Variants in BZW2 observed in about 807,000 individuals in gnomAD.
BZW2 encodes the protein eIF5-mimic protein 1.
BZW2 carries 23 observed loss-of-function variants against 53.2 expected under a neutral mutation model. The observed-to-expected ratio is 0.43, with a 90% CI of 0.31 to 0.61. The LOEUF is 0.61. BZW2 is among the 20% of genes least tolerant of loss of function. The probability of loss-of-function intolerance (pLI) is 0.09; values close to 1 mark genes in which losing one functional copy is unlikely to be tolerated. For missense variants in BZW2, 409 were observed against 503.1 expected (o/e 0.81, Z 1.79); for synonymous variants, 227 against 186.4 (o/e 1.22, Z -1.77).
chr7:16,679,355 C>A (rs370668092), intron 3 of BZW2, among the ~76,000 whole-genome samples: 2 of 152,182 alleles, frequency 1.3e-5, no homozygotes, highest in Admixed American at 1.3e-4. Context: ...TGGCTTCAGC[C>A]GGTCCCTCCG....
intron 2 of BZW2, 69 bp from the exon 3 acceptor site, chr7:16,674,343 A>T: frequency 8.3e-7 from 1 of 1,211,244 alleles, no homozygotes; most frequent in East Asian, 2.6e-5. Context: ...ATAGAATTAA[A>T]GTTTTGATTG....
intron 2 of BZW2, among the ~76,000 whole-genome samples, chr7:16,669,843 T>C (rs1462514222): frequency 6.6e-6 from 1 of 152,226 alleles, no homozygotes; most frequent in Non-Finnish European, 1.5e-5. Context: ...ACCCTAATTA[T>C]ATCCTTCTCA....
At chr7:16,673,789 A>T (rs1471483292) in intron 2 of BZW2, among the ~76,000 whole-genome samples, 1 of 152,196 alleles carries the variant, frequency 6.6e-6, no homozygotes. Flanking sequence ...TTAAGTGTCA[A>T]GAGGTCATGA....
chr7:16,648,230 G>C (rs925763716), intron 1 of BZW2, among the ~76,000 whole-genome samples: 1 of 152,158 alleles, frequency 6.6e-6, no homozygotes, highest in African/African-American at 2.4e-5. Context: ...CATCAAAGAA[G>C]TTTTATTGAT....
At chr7:16,679,897 CT>C (rs1707579249) in intron 3 of BZW2, among the ~76,000 whole-genome samples, 2 of 152,232 alleles carry the variant, frequency 1.3e-5, no homozygotes, top group South Asian at 4.1e-4. Context: ...TCATTCTGCT[CT>C]TCTAATCAAC....
At chr7:16,667,290 A>C (rs185477174) in intron 2 of BZW2, among the ~76,000 whole-genome samples, 7 of 151,968 alleles carry the variant, frequency 4.6e-5, no homozygotes, top group Non-Finnish European at 5.9e-5. Context: ...AAAAAAAAAA[A>C]AACAAAAAAA....
rs552252085 is a variant in BZW2, at chr7:16,706,277, G to A, written c.*189G>A. ...TTTTAAATGGAGCCCTGAGGCATCAGCTATTATACTTGGGACTCTACCTCT... is the reference window on the plus strand; with the variant it reads ...TTTTAAATGGAGCCCTGAGGCATCAACTATTATACTTGGGACTCTACCTCT... On this transcript the variant is annotated 3_prime_UTR_variant, in exon 12 of 12. Coordinates refer to ENST00000258761, the MANE Select transcript of BZW2 (RefSeq NM_014038.3). The A allele has an allele frequency of 9.9e-5, 60 of 604,228 alleles. No individual in the cohort carries two copies. Among genetic ancestry groups the A allele is most frequent in the Non-Finnish European group, 1.7e-4 (59 of 350,030 alleles). The allele number at this position is 604,228 out of a possible 1,614,324, so 37.4% of individuals were successfully genotyped here.
chr7:16,697,644 G>A (rs527259901), intron 9 of BZW2, among the ~76,000 whole-genome samples: 144 of 152,276 alleles, frequency 9.5e-4, no homozygotes, highest in South Asian at 4.6e-3. Flanking sequence ...CTAAATGAAT[G>A]CTTTTTATCC....
intron 1 of BZW2, among the ~76,000 whole-genome samples, chr7:16,660,207 T>C (rs1174221676): frequency 6.6e-6 from 1 of 151,936 alleles, no homozygotes; most frequent in East Asian, 1.9e-4. Flanking sequence ...GACTCCAAAG[T>C]CTTTTTTCCA....
intron 6 of BZW2, 140 bp downstream of exon 6, chr7:16,686,180 A>G: frequency 7.6e-7 from 1 of 1,308,018 alleles, no homozygotes; most frequent in Non-Finnish European, 1.0e-6. Context: ...GTATGGGTGT[A>G]TATTGCCTTT....
chr7:16,690,716 G>A (rs191322800), intron 7 of BZW2, among the ~76,000 whole-genome samples: 1 of 152,184 alleles, frequency 6.6e-6, no homozygotes, highest in African/African-American at 2.4e-5. Flanking sequence ...CAAGTTAATT[G>A]TGTCACAATT....
chr7:16,698,341 T>C lies in BZW2; in HGVS notation c.1108+155T>C, dbSNP rs538394707. The C allele has an allele frequency of 6.5e-4, 668 of 1,024,596 alleles. 1 individual carries two copies. Among genetic ancestry groups the C allele is most frequent in the Non-Finnish European group, 8.0e-4 (556 of 690,946 alleles). The allele number at this position is 1,024,596 out of a possible 1,614,324, so 63.5% of individuals were successfully genotyped here. On this transcript the variant is annotated intron_variant, in intron 10 of 11. Transcript: ENST00000258761. ...AAGTTTTATTGAGGCAACCATACCA[T>C]GTAGAGAGAGGAGGCATACACGCCA...
chr7:16,692,925 C>T (rs1783359385), intron 7 of BZW2, among the ~76,000 whole-genome samples: 1 of 152,098 alleles, frequency 6.6e-6, no homozygotes, highest in African/African-American at 2.4e-5. Context: ...ATAGAGCATT[C>T]CAGGCAAAGG....
intron 1 of BZW2, among the ~76,000 whole-genome samples, chr7:16,655,484 A>G (rs1469601495): frequency 6.6e-6 from 1 of 152,190 alleles, no homozygotes; most frequent in East Asian, 1.9e-4. Flanking sequence ...GGTGATTAGC[A>G]TATTCATTAC....
intron 1 of BZW2, among the ~76,000 whole-genome samples, chr7:16,652,687 G>A (rs989138256): frequency 2.6e-5 from 4 of 152,002 alleles, no homozygotes; most frequent in African/African-American, 9.7e-5. Flanking sequence ...ACCATGCCTG[G>A]CTAATTTTTG....
intron 2 of BZW2, among the ~76,000 whole-genome samples, chr7:16,672,855 T>C (rs1782647511): frequency 6.6e-6 from 1 of 152,144 alleles, no homozygotes; most frequent in South Asian, 2.1e-4. Context: ...CACACCAAAC[T>C]ACTTCTGCAG....
chr7:16,688,634 G>A (rs1343752328), intron 6 of BZW2: 7 of 152,176 alleles, frequency 4.6e-5, no homozygotes, highest in African/African-American at 7.2e-5. Context: ...ATTATCATTA[G>A]CTCATAACAA....
At chr7:16,659,257 T>G (rs1410147755) in intron 1 of BZW2, among the ~76,000 whole-genome samples, 1 of 152,228 alleles carries the variant, frequency 6.6e-6, no homozygotes, top group Non-Finnish European at 1.5e-5. Flanking sequence ...TTAATTTTTT[T>G]TCAATTATTA....
chr7:16,667,211 A>T (rs527871882), intron 2 of BZW2, among the ~76,000 whole-genome samples: 1 of 148,030 alleles, frequency 6.8e-6, no homozygotes, highest in South Asian at 2.3e-4. Flanking sequence ...TGAACCCAGG[A>T]TTGGGAGGTC....
Sources: gnomAD v4.1 joint callset for allele counts (sites outside exome capture counted in the v4.1 genomes callset) on GRCh38, gnomAD v4.1.1 for gene constraint, MANE v1.5 for transcripts, NCBI Gene and HGNC (gene_info 2026-07-23, HGNC 2026-07-21) for gene names.